TANC2: variants seen among roughly 807,000 people sequenced by gnomAD.
The protein encoded by TANC2 is tetratricopeptide repeat, ankyrin repeat and coiled-coil containing 2.
In TANC2, 26 loss-of-function variants were observed where a neutral mutation model predicts 210.5. The observed-to-expected ratio is 0.12, with a 90% CI of 0.09 to 0.17. The LOEUF (loss-of-function observed/expected upper bound fraction) is 0.17, where lower values mean the gene tolerates loss of function less well. Among genes scored for constraint, TANC2 ranks in the 10% least tolerant of loss-of-function variants. TANC2 has a pLI of 1.00. For synonymous variants in TANC2, 931 were observed against 967.1 expected (o/e 0.96, Z 0.69); for missense variants, 2,129 against 2,608.9 (o/e 0.82, Z 4.01).
chr17:63,170,649 GCT>G (rs2040373789), intron 5 of TANC2, among the ~76,000 whole-genome samples: 1 of 152,116 alleles, frequency 6.6e-6, no homozygotes, highest in Admixed American at 6.6e-5. Flanking sequence ...AGTAGACTGT[GCT>G]CTAAAAGACT....
At chr17:62,967,542 T>C (rs2031421312) in intron 1 of TANC2, 1 of 152,204 alleles carries the variant, frequency 6.6e-6, no homozygotes. Context: ...TTTCACTCTC[T>C]TCTCTGCTCC....
chr17:63,018,249 G>A (rs2034193912), intron 2 of TANC2, among the ~76,000 whole-genome samples: 1 of 152,160 alleles, frequency 6.6e-6, no homozygotes, highest in East Asian at 1.9e-4. Flanking sequence ...CCAGCCCTTT[G>A]GGAGGCTGAT....
intron 7 of TANC2, among the ~76,000 whole-genome samples, chr17:63,237,261 A>G (rs1363001563): frequency 6.6e-6 from 1 of 151,834 alleles, no homozygotes; most frequent in Non-Finnish European, 1.5e-5. Context: ...GGCCATTTGT[A>G]TGTCTCCTTT....
At chr17:63,293,863 G>A (rs2044455403) in intron 9 of TANC2, among the ~76,000 whole-genome samples, 2 of 148,022 alleles carry the variant, frequency 1.4e-5, no homozygotes, top group Non-Finnish European at 3.0e-5. Context: ...CCTCAGGCTC[G>A]GACTACAGCC....
In TANC2 at chr17:63,335,196, A is replaced by G. The variant is rs573261242; in HGVS notation, c.1576-4905A>G. Among the ~76,000 whole-genome samples the G allele has an allele frequency of 9.8e-5, 15 of 152,314 alleles. No individual in the cohort carries two copies. In the East Asian group the frequency reaches 1.9e-3, roughly 20 times the overall value. Reference sequence around the variant, plus strand: ...CATGAACCCTGTGATATGATCCACAAAGAGGGATAAAACACTCTTTTTCTG... The same window carrying G: ...CATGAACCCTGTGATATGATCCACAGAGAGGGATAAAACACTCTTTTTCTG... On this transcript the variant is annotated intron_variant, in intron 11 of 27. Transcript: ENST00000689528.
intron 1 of TANC2, among the ~76,000 whole-genome samples, chr17:62,973,465 G>A (rs1381333275): frequency 1.3e-5 from 2 of 152,216 alleles, no homozygotes; most frequent in Non-Finnish European, 2.9e-5. Flanking sequence ...TACTTATTGA[G>A]TGAGGATTGT....
intron 4 of TANC2, among the ~76,000 whole-genome samples, chr17:63,141,931 CT>C (rs1409688469): frequency 2.6e-5 from 4 of 152,112 alleles, no homozygotes; most frequent in African/African-American, 9.7e-5. Flanking sequence ...AACTTTTTTA[CT>C]TGATAAACAT....
chr17:62,979,469 C>A (rs930307315), intron 1 of TANC2, among the ~76,000 whole-genome samples: 1 of 152,144 alleles, frequency 6.6e-6, no homozygotes, highest in African/African-American at 2.4e-5. Flanking sequence ...ATACTAGCAA[C>A]TTCGTATGAG....
chr17:63,325,382 G>A (rs1353290953), intron 11 of TANC2, among the ~76,000 whole-genome samples: 1 of 152,110 alleles, frequency 6.6e-6, no homozygotes, highest in African/African-American at 2.4e-5. Context: ...CCCCTGCCTG[G>A]AAAACTACCA....
chr17:63,225,377 C>CA (rs1418982233), intron 7 of TANC2, among the ~76,000 whole-genome samples: 1 of 152,118 alleles, frequency 6.6e-6, no homozygotes, highest in Non-Finnish European at 1.5e-5. Flanking sequence ...CAACGGGTGT[C>CA]ATTTTAGGCC....
chr17:63,022,938 G>A (rs773305359), intron 2 of TANC2, among the ~76,000 whole-genome samples: 10 of 152,346 alleles, frequency 6.6e-5, no homozygotes, highest in Middle Eastern at 3.4e-3. Context: ...TCCAGAGGAC[G>A]CATGCAGTAA....
intron 4 of TANC2, among the ~76,000 whole-genome samples, chr17:63,112,002 G>T (rs969422127): frequency 1.3e-5 from 2 of 152,322 alleles, no homozygotes; most frequent in Middle Eastern, 6.8e-3. Flanking sequence ...GGGGTTACAG[G>T]CGTGAGCCAC....
chr17:63,345,232 G>A (rs2429435), intron 12 of TANC2, among the ~76,000 whole-genome samples: 8,000 of 152,236 alleles, frequency 0.053, 738 homozygotes, highest in African/African-American at 0.18. Context: ...CAAAAATATT[G>A]CAGAGTGAAA....
At chr17:63,081,584 A>G (rs2036771957) in intron 3 of TANC2, among the ~76,000 whole-genome samples, 1 of 152,198 alleles carries the variant, frequency 6.6e-6, no homozygotes, top group Admixed American at 6.5e-5. Context: ...ACATACTTAA[A>G]TTCTTAATTT....
chr17:63,334,663 A>G (rs894661309), intron 11 of TANC2, among the ~76,000 whole-genome samples: 1 of 149,768 alleles, frequency 6.7e-6, no homozygotes. Context: ...AGCCTCAAAC[A>G]TCTCCCTTAA....
chr17:63,275,237 G>T (rs2043836473), intron 9 of TANC2, among the ~76,000 whole-genome samples: 1 of 152,070 alleles, frequency 6.6e-6, no homozygotes, highest in Non-Finnish European at 1.5e-5. Flanking sequence ...TCAATATATG[G>T]TGGTTTCCTT....
intron 8 of TANC2, among the ~76,000 whole-genome samples, chr17:63,243,863 C>A (rs938860368): frequency 2.6e-5 from 4 of 152,144 alleles, no homozygotes; most frequent in Non-Finnish European, 4.4e-5. Flanking sequence ...AGTGATGATA[C>A]CAGCCATTTA....
chr17:63,329,376 C>T (rs1440206540), intron 11 of TANC2, among the ~76,000 whole-genome samples: 2 of 152,000 alleles, frequency 1.3e-5, no homozygotes, highest in African/African-American at 4.8e-5. Context: ...CATTTTGAAA[C>T]ATGTTCAAAC....
At chr17:63,359,852 C>CA (rs1356457296) in intron 14 of TANC2, among the ~76,000 whole-genome samples, 1 of 152,200 alleles carries the variant, frequency 6.6e-6, no homozygotes, top group African/African-American at 2.4e-5. Context: ...AAAGGCGACA[C>CA]AAATCCTACC....
Sources: gnomAD v4.1 joint callset for allele counts (sites outside exome capture counted in the v4.1 genomes callset) on GRCh38, gnomAD v4.1.1 for gene constraint, MANE v1.5 for transcripts, NCBI Gene and HGNC (gene_info 2026-07-23, HGNC 2026-07-21) for gene names.